SERINC4: variants seen among roughly 807,000 people sequenced by gnomAD.
SERINC4 encodes the protein serine incorporator 4.
SERINC4 carries 52 observed loss-of-function variants against 52.0 expected under a neutral mutation model. That is an observed-to-expected ratio of 1.00 (90% CI 0.80 to 1.26). SERINC4 has a LOEUF of 1.26. SERINC4 is among the 50% of genes most tolerant of loss of function. The pLI is 0.00. For synonymous variants in SERINC4, 264 were observed against 247.7 expected (o/e 1.07, Z -0.62); for missense variants, 723 against 632.8 (o/e 1.14, Z -1.53).
rs1278740268 is a variant in SERINC4, at chr15:43,795,055, A to T, written c.1502T>A (p.Leu501Ter). 2 of 1,613,090 alleles carry T rather than the reference A, an allele frequency of 1.2e-6. No homozygotes were observed. The highest frequency in any genetic ancestry group is 1.7e-6 in the Non-Finnish European group (2 of 1,179,938). ...TATGATGCGGTGGCGGCGGCGCCTC[A>T]AGATAAGGGGCTGGGGTTTCTGGGT... ...PPTQKPQPLI[L>*]RRRRHRIISP... The change falls in exon 12 of 12, where the codon TTG becomes TAG. Residue 501 changes from leucine (L) to a stop codon, truncating the protein, a stop_gained. Transcript: ENST00000319327. LOFTEE classifies it low-confidence loss of function (END_TRUNC).
At position 43,797,212 on chromosome 15, in the gene SERINC4, G is replaced by T; in HGVS notation, c.777C>A (p.Leu259=). 6.4e-7 allele frequency: 1 copy of T among 1,550,852 alleles called. No individual in the cohort carries two copies. The highest frequency in any genetic ancestry group is 1.2e-5 in the South Asian group (1 of 84,054). ...HPAGCLLNKM[L]LSLHLCFCGL... Reference sequence around the variant, plus strand: ...CACAGAAGCAAAGGTGCAGACTGAGGAGCATCTTGTTAAGCAGGCAGCCAG... The same window carrying T: ...CACAGAAGCAAAGGTGCAGACTGAGTAGCATCTTGTTAAGCAGGCAGCCAG... The change falls in exon 6 of 12, where the codon CTC becomes CTA. Residue 259 remains leucine, a synonymous_variant. Coordinates refer to ENST00000319327, the MANE Select transcript of SERINC4 (RefSeq NM_001258031.2).
At chr15:43,798,616 C>T (rs1049894084) in intron 3 of SERINC4, 112 bp from the exon 4 acceptor site, 2 of 787,910 alleles carry the variant, frequency 2.5e-6, no homozygotes, top group Non-Finnish European at 2.2e-6. Context: ...AGAGGACAGA[C>T]GAGACAACTA....
chr15:43,798,841 C>G (rs1469523965), intron 3 of SERINC4, 118 bp downstream of exon 3: 1 of 1,062,634 alleles, frequency 9.4e-7, no homozygotes, highest in Non-Finnish European at 1.4e-6. Context: ...GAAGCAGGGA[C>G]TTAAACCTGT....
intron 11 of SERINC4, 81 bp downstream of exon 11, chr15:43,795,307 G>A: frequency 1.3e-6 from 2 of 1,592,508 alleles, no homozygotes; most frequent in South Asian, 1.1e-5. Context: ...AGACCCATGT[G>A]TGTCTGGAAT....
Position 43,799,044 on chromosome 15 carries a change from C to T in SERINC4, c.373G>A (p.Gly125Arg), listed in dbSNP as rs1375703891. The part of the protein sequence containing the change: ...GSGAVYRVCA[G>R]TATFHLLQAV... Reference sequence around the variant, plus strand: ...TGCAGCAGGTGGAAGGTGGCGGTTCCTGCACATACTCGGTACACAGCCCCA... The same window carrying T: ...TGCAGCAGGTGGAAGGTGGCGGTTCTTGCACATACTCGGTACACAGCCCCA... The change falls in exon 3 of 12, where the codon GGA (glycine) becomes AGA (arginine). Residue 125 changes from glycine to arginine, a missense_variant. Physicochemically the swap from Gly to Arg is moderately radical, Grantham distance 125 (BLOSUM62 -2). Coordinates refer to ENST00000319327, the MANE Select transcript of SERINC4 (RefSeq NM_001258031.2). 1.3e-6 allele frequency: 2 copies of T among 1,550,410 alleles called. No homozygotes were observed. Among genetic ancestry groups the T allele is most frequent in the African/African-American group, 1.4e-5 (1 of 72,988 alleles).
chr15:43,797,579 G>A (rs1254086408), intron 5 of SERINC4: 1 of 538,128 alleles, frequency 1.9e-6, no homozygotes, highest in Non-Finnish European at 3.3e-6. Context: ...TTTTACTAGA[G>A]ATGGGGTTTC....
chr15:43,794,961 G>C lies in SERINC4; in HGVS notation c.*39C>G. The C allele has an allele frequency of 7.2e-6, 11 of 1,521,226 alleles. No homozygotes were observed. The highest frequency in any genetic ancestry group is 9.9e-6 in the Non-Finnish European group (11 of 1,113,218). The allele number at this position is 1,521,226 out of a possible 1,614,324, so 94.2% of individuals were successfully genotyped here. ...ACAGCTCCCCTTGAGCCAACTCTAG[G>C]AGTACAATGTCAGGGGAACCCCAGT... On this transcript the variant is annotated 3_prime_UTR_variant, in exon 12 of 12. Transcript: ENST00000319327.
rs1248448851 is a variant in SERINC4, at chr15:43,795,198, T to C, written c.1359A>G (p.Glu453=). ...TACCCTTGATGAAGGTCTTTTCCAG[T>C]TCTGCTCCCTCATAGCTGTGTAACC... ...LTNWFSYEGA[E]LEKTFIKGSW... The change falls in exon 12 of 12, where the codon GAA becomes GAG. Residue 453 remains glutamate (E), a synonymous_variant. Transcript: ENST00000319327. The C allele has an allele frequency of 1.9e-6, 3 of 1,614,100 alleles. No individual in the cohort carries two copies. The highest frequency in any genetic ancestry group is 2.5e-6 in the Non-Finnish European group (3 of 1,180,024).
Position 43,796,929 on chromosome 15 carries a change from A to G in SERINC4, c.856T>C (p.Ser286Pro). ...ATGACAGAAGCTTGTAGGAGGCCAG[A>G]GCGGGGTTGCTCTGGGGAGTAAGTA... ...APCIRLKQPR[S>P]GLLQASVISC... is the part of the protein sequence containing the mutation. Residue 286 changes from serine (S) to proline (P), a missense_variant, in exon 7 of 12, where the codon TCT becomes CCT. Coordinates refer to ENST00000319327, the MANE Select transcript of SERINC4 (RefSeq NM_001258031.2). 6.2e-7 allele frequency: 1 copy of G among 1,613,904 alleles called. No homozygotes were observed. Among genetic ancestry groups the G allele is most frequent in the Non-Finnish European group, 8.5e-7 (1 of 1,179,828 alleles).
chr15:43,798,799 G>C, intron 3 of SERINC4, 160 bp downstream of exon 3: 1 of 729,826 alleles, frequency 1.4e-6, no homozygotes, highest in Middle Eastern at 2.4e-4. Flanking sequence ...GAAGCACAAA[G>C]TCTGGCTCAA....
Position 43,795,216 on chromosome 15 carries a change from G to A in SERINC4, c.1344-3C>T. 1 of 1,613,908 alleles carries A rather than the reference G, an allele frequency of 6.2e-7. No individual in the cohort carries two copies. Among genetic ancestry groups the A allele is most frequent in the Non-Finnish European group, 8.5e-7 (1 of 1,179,816 alleles). On this transcript the variant is annotated splice_polypyrimidine_tract_variant and splice_region_variant and intron_variant, in intron 11 of 11. Transcript: ENST00000319327. ...TTTCCAGTTCTGCTCCCTCATAGCT[G>A]TGTAACCAAAGGCTCTGGTTAGAGA...
At position 43,800,120 on chromosome 15, in the gene SERINC4, C is replaced by T. The variant is rs773331823; in HGVS notation, c.-134G>A. 1 of 650,528 alleles carries T rather than the reference C, an allele frequency of 1.5e-6. No homozygotes were observed. Among genetic ancestry groups the T allele is most frequent in the Admixed American group, 3.2e-5 (1 of 31,512 alleles). The allele number at this position is 650,528 out of a possible 1,614,324, so 40.3% of individuals were successfully genotyped here. A position where few individuals can be genotyped will look rare whatever the true frequency, so the allele number is the denominator to read the frequency against. Reference sequence around the variant, plus strand: ...CGGTCCCGGGCAGAATGGAGACGTCCGGAAGAGAACACTGACCTCCAGGTT... The same window carrying T: ...CGGTCCCGGGCAGAATGGAGACGTCTGGAAGAGAACACTGACCTCCAGGTT... On this transcript the variant is annotated 5_prime_UTR_variant, in exon 1 of 12. Transcript: ENST00000319327.
Position 43,800,011 on chromosome 15 carries a change from G to A in SERINC4, c.-25C>T. 1 of 1,479,652 alleles carries A rather than the reference G, an allele frequency of 6.8e-7. No homozygotes were observed. The highest frequency in any genetic ancestry group is 9.0e-7 in the Non-Finnish European group (1 of 1,109,520). 91.7% of individuals were successfully genotyped at this position (1,479,652 alleles called of 1,614,324 possible). Reference sequence around the variant, plus strand: ...TCCTTGTCCCAGGGATTAGGCTTAGGTCCACCAGATGGAAGGCAGATGAGA... The same window carrying A: ...TCCTTGTCCCAGGGATTAGGCTTAGATCCACCAGATGGAAGGCAGATGAGA... On this transcript the variant is annotated 5_prime_UTR_variant, in exon 1 of 12. Transcript: ENST00000319327.
Position 43,799,388 on chromosome 15 carries a change from G to T in SERINC4, c.201C>A (p.Leu67=), listed in dbSNP as rs778577157. The change falls in exon 2 of 12, where the codon CTC becomes CTA. Residue 67 remains leucine (L), a synonymous_variant. Coordinates refer to ENST00000319327, the MANE Select transcript of SERINC4 (RefSeq NM_001258031.2). ...STCSRLFYIL[L]HVGASAICCL... is the part of the protein sequence containing the mutation. ...AGCAGATTGCTGAGGCCCCCACATGGAGGAGGATGTAGAACAGGCGGCTGC... is the reference window on the plus strand; with the variant it reads ...AGCAGATTGCTGAGGCCCCCACATGTAGGAGGATGTAGAACAGGCGGCTGC... 1 of 1,551,048 alleles carries T rather than the reference G, an allele frequency of 6.4e-7. No homozygotes were observed. The highest frequency in any genetic ancestry group is 8.7e-7 in the Non-Finnish European group (1 of 1,147,084).
In SERINC4 at chr15:43,795,155, C is replaced by A. The variant is rs769788389; in HGVS notation, c.1402G>T (p.Val468Phe). Residue 468 changes from valine (V) to phenylalanine (F), a missense_variant, in exon 12 of 12, where the codon GTC (valine) becomes TTC (phenylalanine). Val to Phe is a conservative substitution (Grantham distance 50). Coordinates refer to ENST00000319327, the MANE Select transcript of SERINC4 (RefSeq NM_001258031.2). ...CAGGCCCAGCATGAGGCAACCTTGA[C>A]CCAGAAGGTGGCCCAGCTACCCTTG... is the stretch of plus-strand genomic sequence containing the variant. ...FIKGSWATFW[V>F]KVASCWACVL... The A allele has an allele frequency of 6.8e-6, 11 of 1,614,008 alleles. No individual in the cohort carries two copies. The highest frequency in any genetic ancestry group is 1.7e-6 in the Non-Finnish European group (2 of 1,180,026).
chr15:43,798,902 A>G (rs1429074623), intron 3 of SERINC4, 57 bp downstream of exon 3: 7 of 1,516,834 alleles, frequency 4.6e-6, no homozygotes, highest in South Asian at 1.2e-5. Flanking sequence ...TCCTTTACCC[A>G]GCCTATGTCT....
chr15:43,798,124 A>ACTG (rs918991891), intron 4 of SERINC4, 111 bp from the exon 5 acceptor site: 6 of 747,182 alleles, frequency 8.0e-6, no homozygotes, highest in Non-Finnish European at 9.0e-6. Flanking sequence ...ATTTCAGCTC[A>ACTG]CTGCAACCTC....
rs2087266503 is a variant in SERINC4, at chr15:43,799,021, C to A, written c.396G>T (p.Leu132=). 6.4e-7 allele frequency: 1 copy of A among 1,550,430 alleles called. No homozygotes were observed. The highest frequency in any genetic ancestry group is 1.4e-5 in the African/African-American group (1 of 73,012). ...GGAGGTGGACCAGCAACACAGCCTG[C>A]AGCAGGTGGAAGGTGGCGGTTCCTG... ...VCAGTATFHL[L]QAVLLVHLHS... Residue 132 remains leucine (L), a synonymous_variant, in exon 3 of 12, where the codon CTG becomes CTT. Coordinates refer to ENST00000319327, the MANE Select transcript of SERINC4 (RefSeq NM_001258031.2).
At chr15:43,799,846 T>A in intron 1 of SERINC4, 39 bp downstream of exon 1, 5 of 1,419,328 alleles carry the variant, frequency 3.5e-6, no homozygotes, top group Non-Finnish European at 4.8e-6. Context: ...CACGTCTTCC[T>A]CCCCAGCTTC....
Sources: allele counts gnomAD v4.1 joint callset, GRCh38; gene constraint gnomAD v4.1.1; transcripts MANE v1.5; gene names NCBI Gene and HGNC (gene_info 2026-07-23, HGNC 2026-07-21).